RPA3: variants seen among roughly 807,000 people sequenced by gnomAD.
RPA3 encodes the protein replication protein A 14 kDa subunit.
Under a neutral mutation model 13.7 loss-of-function variants are expected in RPA3, and 24 were observed. That is an observed-to-expected ratio of 1.75 (90% CI 1.27 to 2.46). The LOEUF (loss-of-function observed/expected upper bound fraction) is 2.46. RPA3 is among the 30% of genes most tolerant of loss of function. RPA3 has a pLI of 0.00. For synonymous variants in RPA3, 59 were observed against 51.2 expected (o/e 1.15, Z -0.65); for missense variants, 183 against 151.0 (o/e 1.21, Z -1.11).
chr7:7,660,496 CATG>C (rs1327662508), intron 4 of RPA3, among the ~76,000 whole-genome samples: 1 of 152,150 alleles, frequency 6.6e-6, no homozygotes, highest in Non-Finnish European at 1.5e-5. Context: ...AGGCAGGCCT[CATG>C]GTGACAAAAT....
chr7:7,642,281 C>T (rs1784991930), intron 4 of RPA3, among the ~76,000 whole-genome samples: 1 of 151,720 alleles, frequency 6.6e-6, no homozygotes, highest in South Asian at 2.1e-4. Context: ...ACTATAAGCA[C>T]ATACCACCAC....
intron 3 of RPA3, among the ~76,000 whole-genome samples, 180 bp from the exon 4 acceptor site, chr7:7,686,178 A>G (rs1452536284): frequency 6.6e-6 from 1 of 152,212 alleles, no homozygotes; most frequent in African/African-American, 2.4e-5. Context: ...GAGCAAAACT[A>G]TTCTAGGTGG....
chr7:7,636,880 T>A lies in RPA3; in HGVS notation c.*120A>T. The A allele has an allele frequency of 1.3e-6, 1 of 766,544 alleles. No individual in the cohort carries two copies. The highest frequency in any genetic ancestry group is 2.2e-6 in the Non-Finnish European group (1 of 450,720). The allele number at this position is 766,544 out of a possible 1,614,324, so 47.5% of individuals were successfully genotyped here. The stretch of plus-strand genomic sequence containing the variant: ...TTCCATCAAAAACTCTAGGTTGGAA[T>A]ATCTTAAAAACAGCAAATTAAATAT... On this transcript the variant is annotated 3_prime_UTR_variant, in exon 8 of 8. Transcript: ENST00000223129.
chr7:7,639,966 A>G, intron 5 of RPA3: 1 of 277,434 alleles, frequency 3.6e-6, no homozygotes, highest in Non-Finnish European at 6.9e-6. Flanking sequence ...GAAGAGAAGG[A>G]AACCAGCAGA....
intron 4 of RPA3, 74 bp from the exon 5 acceptor site, chr7:7,641,249 CG>C (rs1563074245): frequency 6.6e-6 from 1 of 152,244 alleles, no homozygotes; most frequent in Non-Finnish European, 1.5e-5. Flanking sequence ...GCGGAGGCGC[CG>C]GTTCTTTCAC....
intron 2 of RPA3, among the ~76,000 whole-genome samples, chr7:7,690,393 A>T (rs887898190): frequency 6.6e-6 from 1 of 152,144 alleles, no homozygotes. Context: ...AACCAAGTAT[A>T]TATTATGTTT....
intron 4 of RPA3, among the ~76,000 whole-genome samples, chr7:7,658,592 TG>T (rs1472978309): frequency 6.6e-6 from 1 of 152,260 alleles, no homozygotes; most frequent in Non-Finnish European, 1.5e-5. Flanking sequence ...TCATTGACTC[TG>T]TTTATATGCT....
At chr7:7,651,933 A>G (rs959790565) in intron 4 of RPA3, among the ~76,000 whole-genome samples, 7 of 152,090 alleles carry the variant, frequency 4.6e-5, no homozygotes, top group African/African-American at 1.7e-4. Flanking sequence ...GTTACACACC[A>G]TTCAAACCAC....
rs1785376942 is a variant in RPA3 at position 7,657,723 on chromosome 7, T to G, written c.-757-16548A>C. On this transcript the variant is annotated intron_variant, in intron 4 of 7. Transcript: ENST00000223129. ...TGTTTTGGTTACTGTAGTCTTGTAG[T>G]ATAGTTTGAAGTCAGGTAGTGTGAT... is the stretch of plus-strand genomic sequence containing the variant. Among the ~76,000 whole-genome samples, 3 of 152,238 alleles carry G rather than the reference T, an allele frequency of 2.0e-5. No individual in the cohort carries two copies. In the South Asian group the frequency reaches 6.2e-4, roughly 31 times the overall value.
At chr7:7,714,066 T>A (rs536900003) in intron 2 of RPA3, among the ~76,000 whole-genome samples, 2 of 152,234 alleles carry the variant, frequency 1.3e-5, no homozygotes, top group African/African-American at 2.4e-5. Flanking sequence ...TTTCCAAAAA[T>A]TGAGTTTTTT....
At chr7:7,654,845 G>A (rs1346965020) in intron 4 of RPA3, among the ~76,000 whole-genome samples, 1 of 150,716 alleles carries the variant, frequency 6.6e-6, no homozygotes, top group Non-Finnish European at 1.5e-5. Flanking sequence ...AGAGATTGCA[G>A]TGAGCCAAGA....
At chr7:7,717,087 T>C (rs1263588833) in intron 1 of RPA3, among the ~76,000 whole-genome samples, 5 of 149,766 alleles carry the variant, frequency 3.3e-5, no homozygotes, top group African/African-American at 1.3e-4. Context: ...GACGGAGTCT[T>C]GGTCTGTTGC....
At chr7:7,707,024 C>T (rs1029268939) in intron 2 of RPA3, among the ~76,000 whole-genome samples, 3 of 152,132 alleles carry the variant, frequency 2.0e-5, no homozygotes, top group Non-Finnish European at 4.4e-5. Context: ...TCTCTAGAAA[C>T]AGAAACATGA....
chr7:7,664,080 C>T (rs767938415), intron 4 of RPA3, among the ~76,000 whole-genome samples: 1 of 152,144 alleles, frequency 6.6e-6, no homozygotes, highest in African/African-American at 2.4e-5. Flanking sequence ...TTGTAAACAT[C>T]GTGAATTTCT....
At chr7:7,637,218 T>G (rs558159182) in intron 7 of RPA3, 136 bp from the exon 8 acceptor site, 5 of 661,560 alleles carry the variant, frequency 7.6e-6, no homozygotes, top group South Asian at 5.5e-5. Flanking sequence ...ATATGGATTA[T>G]GGATTCTTGT....
intron 4 of RPA3, among the ~76,000 whole-genome samples, chr7:7,651,718 C>G (rs903103538): frequency 1.3e-5 from 2 of 152,114 alleles, no homozygotes; most frequent in Non-Finnish European, 2.9e-5. Context: ...CACTCAATTC[C>G]CAAAGGCTAA....
intron 4 of RPA3, chr7:7,676,290 G>A (rs2115113002): frequency 2.5e-6 from 1 of 396,256 alleles, no homozygotes; most frequent in South Asian, 1.3e-4. Context: ...GTTATTGAGG[G>A]GAATAAATGA....
chr7:7,713,794 C>T (rs28912686), intron 2 of RPA3, among the ~76,000 whole-genome samples: 1,701 of 152,098 alleles, frequency 0.011, 35 homozygotes, highest in African/African-American at 0.037. Context: ...TATTTCCATT[C>T]GTTTGTCATT....
intron 4 of RPA3, among the ~76,000 whole-genome samples, chr7:7,681,285 CA>C (rs1779906886): frequency 6.6e-6 from 1 of 152,052 alleles, no homozygotes; most frequent in Non-Finnish European, 1.5e-5. Context: ...CTGCTTAACA[CA>C]AATAGGTTTT....
Sources: allele counts gnomAD v4.1 joint callset (sites outside exome capture counted in the v4.1 genomes callset), GRCh38; gene constraint gnomAD v4.1.1; transcripts MANE v1.5; gene names NCBI Gene and HGNC (gene_info 2026-07-23, HGNC 2026-07-21).